The following OSBPL10 variants were observed in gnomAD, a reference collection of about 807,000 sequenced individuals.
The protein encoded by OSBPL10 is oxysterol-binding protein-related protein 10.
OSBPL10 carries 49 observed loss-of-function variants against 81.7 expected under a neutral mutation model. That is an observed-to-expected ratio of 0.60 (90% CI 0.48 to 0.76). OSBPL10 has a LOEUF of 0.76. Among genes scored for constraint, OSBPL10 ranks in the 30% least tolerant of loss-of-function variants. The pLI, the probability that OSBPL10 is intolerant of heterozygous loss-of-function variation, is 0.00. For missense variants in OSBPL10, 923 were observed against 987.8 expected (o/e 0.93, Z 0.88); for synonymous variants, 419 against 383.6 (o/e 1.09, Z -1.08).
intron 6 of OSBPL10, among the ~76,000 whole-genome samples, chr3:31,726,642 T>A (rs1038469577): frequency 1.3e-5 from 2 of 152,054 alleles, no homozygotes; most frequent in Non-Finnish European, 2.9e-5. Flanking sequence ...AGAGCTCCCA[T>A]CCTTTCTTTT....
At chr3:32,017,716 AT>A (rs1292037377) in intron 2 of OSBPL10, among the ~76,000 whole-genome samples, 1 of 152,126 alleles carries the variant, frequency 6.6e-6, no homozygotes, top group Non-Finnish European at 1.5e-5. Flanking sequence ...CAGTTAAGCC[AT>A]TTCACTTCTC....
intron 2 of OSBPL10, among the ~76,000 whole-genome samples, chr3:32,040,411 A>AT (rs1294688923): frequency 1.3e-5 from 2 of 152,004 alleles, no homozygotes; most frequent in Non-Finnish European, 2.9e-5. Context: ...CATCTCAAAA[A>AT]ATATATATAT....
chr3:31,990,338 A>G, intron 2 of OSBPL10: 1 of 1,614,180 alleles, frequency 6.2e-7, no homozygotes, highest in East Asian at 2.2e-5. Context: ...TGGAGAATCC[A>G]TAATGAAGAG....
intron 7 of OSBPL10, among the ~76,000 whole-genome samples, chr3:31,688,508 T>A (rs966843215): frequency 6.6e-6 from 1 of 152,130 alleles, no homozygotes; most frequent in Non-Finnish European, 1.5e-5. Flanking sequence ...TTCTTATTAA[T>A]GCACACGTTT....
At chr3:31,720,771 G>A (rs993141671) in intron 6 of OSBPL10, among the ~76,000 whole-genome samples, 3 of 151,168 alleles carry the variant, frequency 2.0e-5, no homozygotes, top group Admixed American at 6.6e-5. Flanking sequence ...GTGGTGGTGG[G>A]TGCCTGTAAT....
At chr3:31,824,004 A>C (rs1700043036) in intron 4 of OSBPL10, among the ~76,000 whole-genome samples, 1 of 152,090 alleles carries the variant, frequency 6.6e-6, no homozygotes, top group Non-Finnish European at 1.5e-5. Context: ...GGTTCATGCC[A>C]CCACACCCAG....
chr3:31,664,734 TC>T (rs1700148780), intron 10 of OSBPL10: 1 of 172,902 alleles, frequency 5.8e-6, no homozygotes, highest in African/African-American at 2.4e-5. Flanking sequence ...AGACCTGCTT[TC>T]CCACAAGGGA....
At chr3:31,794,921 G>A (rs184950467) in intron 4 of OSBPL10, 184 of 360,250 alleles carry the variant, frequency 5.1e-4, no homozygotes, top group Non-Finnish European at 8.4e-4. Flanking sequence ...GAGAGAAGGG[G>A]TGCCAGAGAA....
rs764879978 is a variant in OSBPL10, at chr3:31,980,979, C to T, written c.201G>A (p.Gly67=). The change falls in exon 1 of 12, where the codon GGG becomes GGA. Residue 67 remains glycine (G), a synonymous_variant. Coordinates refer to ENST00000396556, the MANE Select transcript of OSBPL10 (RefSeq NM_017784.5). ...CCGGCTCCCTCCTGCGGCCGCCTCCCCCGGACGGGCTAGCGGCCACAGAGC... is the reference window on the plus strand; with the variant it reads ...CCGGCTCCCTCCTGCGGCCGCCTCCTCCGGACGGGCTAGCGGCCACAGAGC... ...SPGSVAASPS[G]GGGRRREPAL... The T allele has an allele frequency of 1.9e-6, 3 of 1,558,330 alleles. No individual in the cohort carries two copies. Among genetic ancestry groups the T allele is most frequent in the Middle Eastern group, 4.1e-4 (2 of 4,866 alleles).
At chr3:31,803,034 T>A (rs1159041550) in intron 4 of OSBPL10, among the ~76,000 whole-genome samples, 1 of 145,002 alleles carries the variant, frequency 6.9e-6, no homozygotes, top group African/African-American at 2.5e-5. Flanking sequence ...TGTTCTAGTC[T>A]ACAAAGTGGC....
chr3:31,935,940 T>A (rs935701451), intron 1 of OSBPL10, among the ~76,000 whole-genome samples: 2 of 152,186 alleles, frequency 1.3e-5, no homozygotes, highest in African/African-American at 4.8e-5. Flanking sequence ...TCTGATATGT[T>A]TTTACTTTTT....
intron 1 of OSBPL10, among the ~76,000 whole-genome samples, chr3:31,919,941 ATAAC>A (rs1381802734): frequency 1.3e-5 from 2 of 152,242 alleles, no homozygotes; most frequent in African/African-American, 4.8e-5. Context: ...TTTAGCTTTC[ATAAC>A]TATCTTCTAC....
rs554534473 is a variant in OSBPL10, at chr3:31,922,153, A to C, written c.282-42323T>G. 7.2e-5 allele frequency among the ~76,000 whole-genome samples: 11 copies of C among 152,348 alleles called. No homozygotes were observed. In the South Asian group the frequency reaches 2.3e-3, roughly 32 times the overall value. ...GGAAGGGATCCTAGAACAGAAAAGGAACATTGGATAAAAAGTAAAGAAATC... is the reference window on the plus strand; with the variant it reads ...GGAAGGGATCCTAGAACAGAAAAGGCACATTGGATAAAAAGTAAAGAAATC... On this transcript the variant is annotated intron_variant, in intron 1 of 11. Coordinates refer to ENST00000396556, the MANE Select transcript of OSBPL10 (RefSeq NM_017784.5).
chr3:31,936,593 T>C (rs1029788643), intron 1 of OSBPL10, among the ~76,000 whole-genome samples: 3 of 152,120 alleles, frequency 2.0e-5, no homozygotes, highest in African/African-American at 7.2e-5. Context: ...CCAAACACCA[T>C]CCATTTCCAT....
At chr3:31,706,552 G>A (rs1696070788) in intron 6 of OSBPL10, among the ~76,000 whole-genome samples, 1 of 152,044 alleles carries the variant, frequency 6.6e-6, no homozygotes, top group South Asian at 2.1e-4. Context: ...CTAGTAAGGA[G>A]AAGGAGATAT....
intron 4 of OSBPL10, among the ~76,000 whole-genome samples, chr3:31,807,908 A>C (rs1007081157): frequency 2.0e-5 from 3 of 152,200 alleles, no homozygotes; most frequent in African/African-American, 7.2e-5. Flanking sequence ...TACAAATAGG[A>C]AAGTGTTTTA....
At chr3:31,802,216 A>T (rs1322407889) in intron 4 of OSBPL10, among the ~76,000 whole-genome samples, 1 of 151,898 alleles carries the variant, frequency 6.6e-6, no homozygotes, top group Non-Finnish European at 1.5e-5. Context: ...ACAGGTAACA[A>T]GGGGCAGGGT....
At chr3:31,819,046 G>A (rs1228468016) in intron 4 of OSBPL10, among the ~76,000 whole-genome samples, 1 of 152,242 alleles carries the variant, frequency 6.6e-6, no homozygotes, top group Non-Finnish European at 1.5e-5. Flanking sequence ...CACTTTCAGG[G>A]AAGGACAGAT....
rs1436055523 is a variant in OSBPL10, at chr3:31,662,067, C to A, written c.*5G>T. ...TATACTGGAAAGCTCTGCACCTCCA[C>A]CCCATCAGTGTGCTTTCCAGAGGGG... On this transcript the variant is annotated 3_prime_UTR_variant, in exon 12 of 12. Coordinates refer to ENST00000396556, the MANE Select transcript of OSBPL10 (RefSeq NM_017784.5). 6.2e-7 allele frequency: 1 copy of A among 1,613,812 alleles called. No homozygotes were observed. The highest frequency in any genetic ancestry group is 2.2e-5 in the East Asian group (1 of 44,858).
Sources: allele counts gnomAD v4.1 joint callset (sites outside exome capture counted in the v4.1 genomes callset), GRCh38; gene constraint gnomAD v4.1.1; transcripts MANE v1.5; gene names NCBI Gene and HGNC (gene_info 2026-07-23, HGNC 2026-07-21).